PDE10A: variants seen among roughly 807,000 people sequenced by gnomAD.
PDE10A encodes the protein phosphodiesterase 10A, also known as cAMP and cAMP-inhibited cGMP 3',5'-cyclic phosphodiesterase 10A.
A neutral mutation model predicts 97.7 loss-of-function variants in PDE10A; 39 were observed. The ratio of observed to expected loss-of-function variants is 0.40; its 90% confidence interval spans 0.31 to 0.52. The LOEUF is 0.52. PDE10A is among the 20% of genes least tolerant of loss of function. The pLI, the probability that PDE10A is intolerant of heterozygous loss-of-function variation, is 0.56. For synonymous variants in PDE10A, 371 were observed against 376.8 expected (o/e 0.98, Z 0.18); for missense variants, 731 against 1,047.8 (o/e 0.70, Z 4.17).
At chr6:165,555,170 T>C (rs1033459228) in intron 1 of PDE10A, among the ~76,000 whole-genome samples, 19 of 152,162 alleles carry the variant, frequency 1.2e-4, no homozygotes, top group Admixed American at 6.5e-5. Flanking sequence ...AAGAATGTAA[T>C]TGGAGTGTTT....
chr6:165,981,151 A>C (rs1395056570), intron 1 of PDE10A, among the ~76,000 whole-genome samples: 2 of 152,218 alleles, frequency 1.3e-5, no homozygotes, highest in Non-Finnish European at 1.5e-5. Context: ...TACAACATAA[A>C]GAAGAGTCCC....
At chr6:165,520,415 A>G (rs900401316) in intron 2 of PDE10A, among the ~76,000 whole-genome samples, 10 of 152,164 alleles carry the variant, frequency 6.6e-5, no homozygotes, top group Non-Finnish European at 1.3e-4. Context: ...TATGTATAAC[A>G]TCTGAGGAGG....
At chr6:165,847,083 A>G (rs1247591003) in intron 1 of PDE10A, among the ~76,000 whole-genome samples, 1 of 152,188 alleles carries the variant, frequency 6.6e-6, no homozygotes, top group Non-Finnish European at 1.5e-5. Context: ...CCTTGTTTTG[A>G]CGGCATTTTC....
At chr6:165,622,296 A>G (rs34125456) in intron 1 of PDE10A, among the ~76,000 whole-genome samples, 12,312 of 141,572 alleles carry the variant, frequency 0.087, 499 homozygotes, top group Middle Eastern at 0.13. Context: ...GTGTGTGTGT[A>G]TGTGCATGCG....
At chr6:165,694,560 T>C (rs1159052864) in intron 1 of PDE10A, among the ~76,000 whole-genome samples, 1 of 152,080 alleles carries the variant, frequency 6.6e-6, no homozygotes, top group Non-Finnish European at 1.5e-5. Flanking sequence ...GCGGGCGGTG[T>C]CGGGAGACCG....
At chr6:165,697,031 C>T (rs770257445) in intron 1 of PDE10A, among the ~76,000 whole-genome samples, 1 of 152,024 alleles carries the variant, frequency 6.6e-6, no homozygotes, top group Non-Finnish European at 1.5e-5. Context: ...ATGAACAGAG[C>T]CTCAGAGGAA....
chr6:165,401,692 G>C (rs1786676911), intron 13 of PDE10A, among the ~76,000 whole-genome samples: 1 of 152,154 alleles, frequency 6.6e-6, no homozygotes, highest in South Asian at 2.1e-4. Context: ...GCTGGACACT[G>C]CTGTCACCTT....
intron 1 of PDE10A, among the ~76,000 whole-genome samples, chr6:165,962,838 T>C (rs953116857): frequency 1.3e-5 from 2 of 152,214 alleles, no homozygotes; most frequent in African/African-American, 4.8e-5. Flanking sequence ...TCCATCTGCT[T>C]TTGGCCAGAC....
intron 1 of PDE10A, among the ~76,000 whole-genome samples, chr6:165,632,502 T>G (rs1231710334): frequency 6.6e-6 from 1 of 152,208 alleles, no homozygotes; most frequent in African/African-American, 2.4e-5. Flanking sequence ...CATTGTGAAA[T>G]GCACTGTTTT....
chr6:165,426,760 C>T (rs910680872), intron 10 of PDE10A, among the ~76,000 whole-genome samples: 1 of 152,038 alleles, frequency 6.6e-6, no homozygotes, highest in African/African-American at 2.4e-5. Flanking sequence ...ATGAAGAACT[C>T]TTAACAAGTC....
intron 2 of PDE10A, among the ~76,000 whole-genome samples, chr6:165,522,965 C>G (rs1411496476): frequency 6.6e-6 from 1 of 151,892 alleles, no homozygotes; most frequent in Non-Finnish European, 1.5e-5. Context: ...AATAGTGTTT[C>G]TATATACCAA....
chr6:165,662,100 G>T lies in PDE10A; in HGVS notation c.712C>A (p.Pro238Thr). ...AGSPGFPGAG[P>T]GGGGQTPRRP... ...CGCGGAGTTTGGCCGCCGCCGCCTG[G>T]GCCGGCGCCGGGGAAGCCGGGGGAG... The change falls in exon 1 of 22, where the codon CCA (proline) becomes ACA (threonine). Residue 238 changes from proline (P) to threonine (T), a missense_variant. This residue lies in a region of PDE10A where 181 missense variants were observed against 159.1 expected (regional missense o/e 1.14). Transcript: ENST00000539869. The T allele has an allele frequency of 9.0e-7, 1 of 1,111,676 alleles. No individual in the cohort carries two copies. The highest frequency in any genetic ancestry group is 1.1e-6 in the Non-Finnish European group (1 of 908,202). 68.9% of individuals were successfully genotyped at this position (1,111,676 alleles called of 1,614,324 possible). A position where few individuals can be genotyped will look rare whatever the true frequency, so the allele number is the denominator to read the frequency against.
chr6:165,512,088 C>A (rs1336674829), intron 2 of PDE10A, among the ~76,000 whole-genome samples: 11 of 151,646 alleles, frequency 7.3e-5, no homozygotes, highest in Admixed American at 3.9e-4. Context: ...TTTGTATATT[C>A]TTTGTTCCTT....
intron 1 of PDE10A, among the ~76,000 whole-genome samples, chr6:165,804,504 T>C (rs936100482): frequency 4.0e-5 from 6 of 151,776 alleles, no homozygotes; most frequent in African/African-American, 1.5e-4. Context: ...AATTAGAAGG[T>C]GAATCAAATG....
At chr6:165,913,717 C>T (rs1782530151) in intron 1 of PDE10A, among the ~76,000 whole-genome samples, 1 of 152,136 alleles carries the variant, frequency 6.6e-6, no homozygotes, top group South Asian at 2.1e-4. Flanking sequence ...AAAGGAGACT[C>T]TCATGATTCT....
intron 2 of PDE10A, among the ~76,000 whole-genome samples, chr6:165,535,369 TC>T (rs1442764595): frequency 1.3e-5 from 2 of 151,846 alleles, no homozygotes; most frequent in Non-Finnish European, 2.9e-5. Flanking sequence ...TTCCTTACTC[TC>T]CTCCCAATCT....
At chr6:165,560,089 T>C (rs1334185339) in intron 1 of PDE10A, among the ~76,000 whole-genome samples, 1 of 152,204 alleles carries the variant, frequency 6.6e-6, no homozygotes, top group Non-Finnish European at 1.5e-5. Context: ...ACTTCCACAA[T>C]AGGACATGTT....
At chr6:165,848,663 C>T (rs1177954018) in intron 1 of PDE10A, among the ~76,000 whole-genome samples, 2 of 152,130 alleles carry the variant, frequency 1.3e-5, no homozygotes, top group Non-Finnish European at 2.9e-5. Flanking sequence ...CCCATATGGC[C>T]CCAAGGTTGG....
At chr6:165,538,106 CAAAT>C (rs1783204206) in intron 2 of PDE10A, among the ~76,000 whole-genome samples, 1 of 151,898 alleles carries the variant, frequency 6.6e-6, no homozygotes. Context: ...TTTAGGTTAT[CAAAT>C]AGTAGGTTTA....
Sources: gnomAD v4.1 joint callset for allele counts (sites outside exome capture counted in the v4.1 genomes callset) on GRCh38, gnomAD v4.1.1 for gene constraint, gnomAD v4.1.1 regional missense constraint, MANE v1.5 for transcripts, NCBI Gene and HGNC (gene_info 2026-07-23, HGNC 2026-07-21) for gene names.